The following ANXA3 variants were observed in gnomAD, a reference collection of about 807,000 sequenced individuals.
ANXA3 encodes 35-alpha calcimedin.
ANXA3 carries 46 observed loss-of-function variants against 48.8 expected under a neutral mutation model. The ratio of observed to expected loss-of-function variants is 0.94; its 90% CI spans 0.74 to 1.21. ANXA3 has a LOEUF of 1.21. Ranked by LOEUF, ANXA3 falls within the 50% of genes most tolerant of loss-of-function variation. ANXA3 has a pLI of 0.00. For missense variants in ANXA3, 383 were observed against 378.6 expected (o/e 1.01, Z -0.10); for synonymous variants, 128 against 134.7 (o/e 0.95, Z 0.35).
intron 1 of ANXA3, among the ~76,000 whole-genome samples, chr4:78,553,684 A>G (rs1004069954): frequency 2.6e-5 from 4 of 152,222 alleles, no homozygotes; most frequent in African/African-American, 9.6e-5. Flanking sequence ...GAAAAAACCA[A>G]GGTGAAATAT....
intron 2 of ANXA3, among the ~76,000 whole-genome samples, chr4:78,560,403 G>A (rs150292400): frequency 1.3e-5 from 2 of 152,150 alleles, no homozygotes; most frequent in African/African-American, 4.8e-5. Flanking sequence ...CACTGAAAGT[G>A]CTATCCTTAT....
chr4:78,607,187 C>T (rs1268577986), intron 12 of ANXA3, among the ~76,000 whole-genome samples: 4 of 152,210 alleles, frequency 2.6e-5, no homozygotes, highest in African/African-American at 9.6e-5. Context: ...AAAAATCCAT[C>T]ACTGAAAACT....
intron 12 of ANXA3, 76 bp downstream of exon 12, chr4:78,604,475 A>C: frequency 1.6e-6 from 2 of 1,224,228 alleles, no homozygotes; most frequent in Non-Finnish European, 2.3e-6. Context: ...ATGCCTTAAA[A>C]TATAAAGATA....
intron 1 of ANXA3, among the ~76,000 whole-genome samples, chr4:78,552,553 T>C (rs1229788423): frequency 1.3e-5 from 2 of 150,682 alleles, no homozygotes; most frequent in Non-Finnish European, 3.0e-5. Flanking sequence ...GGTGGAAGAT[T>C]TGGATACTTG....
At chr4:78,577,757 AC>A (rs1231629394) in intron 3 of ANXA3, among the ~76,000 whole-genome samples, 2 of 151,962 alleles carry the variant, frequency 1.3e-5, no homozygotes, top group African/African-American at 4.8e-5. Flanking sequence ...GCTCTTTTAT[AC>A]CTCTCTAGTC....
chr4:78,592,608 G>A (rs895529078), intron 7 of ANXA3, among the ~76,000 whole-genome samples: 8 of 152,290 alleles, frequency 5.3e-5, no homozygotes, highest in African/African-American at 9.6e-5. Flanking sequence ...CTAGGACAGG[G>A]TTCTAGAATC....
Position 78,582,184 on chromosome 4 carries a change from A to C in ANXA3, c.206A>C (p.Lys69Thr). 1 of 1,604,728 alleles carries C rather than the reference A, an allele frequency of 6.2e-7. No homozygotes were observed. Among genetic ancestry groups the C allele is most frequent in the Non-Finnish European group, 8.5e-7 (1 of 1,173,542 alleles). ...TTGGTTTTTTGATTTTAGGAGCTGAAAGATGACTTGAAGGGTGATCTCTCT... is the reference window on the plus strand; with the variant it reads ...TTGGTTTTTTGATTTTAGGAGCTGACAGATGACTTGAAGGGTGATCTCTCT... ...EYQAAYGKEL[K>T]DDLKGDLSGH... Residue 69 changes from lysine to threonine, a missense_variant, in exon 5 of 13, where the codon AAA (lysine) becomes ACA (threonine). Lys to Thr is a moderately conservative substitution (Grantham distance 78, BLOSUM62 -1). Transcript: ENST00000264908.
intron 5 of ANXA3, among the ~76,000 whole-genome samples, chr4:78,583,563 A>G (rs11946502): frequency 0.046 from 6,968 of 151,746 alleles, 494 homozygotes; most frequent in African/African-American, 0.15. Context: ...GGTCTAGGCT[A>G]CAATGAGCCA....
chr4:78,607,554 T>C (rs1236561416), intron 12 of ANXA3, among the ~76,000 whole-genome samples: 1 of 152,206 alleles, frequency 6.6e-6, no homozygotes, highest in Non-Finnish European at 1.5e-5. Context: ...TTTGGTAGTT[T>C]TCCTTCATAG....
chr4:78,572,805 T>C (rs1336294160), intron 2 of ANXA3, among the ~76,000 whole-genome samples: 1 of 152,234 alleles, frequency 6.6e-6, no homozygotes, highest in Non-Finnish European at 1.5e-5. Flanking sequence ...TGCATCTTAG[T>C]AAAATTCAGG....
intron 11 of ANXA3, chr4:78,603,581 C>T (rs1723588907): frequency 6.6e-6 from 1 of 152,214 alleles, no homozygotes; most frequent in Non-Finnish European, 1.5e-5. Context: ...TCTACTCCTA[C>T]CTTGCAATCT....
intron 2 of ANXA3, among the ~76,000 whole-genome samples, chr4:78,570,543 C>G (rs1358577560): frequency 6.6e-6 from 1 of 152,198 alleles, no homozygotes; most frequent in African/African-American, 2.4e-5. Flanking sequence ...GTGTCCTGGT[C>G]ATATACATTT....
rs5943 is a variant in ANXA3 at position 78,601,491 on chromosome 4, T to A, written c.731-19T>A. 6.2e-7 allele frequency: 1 copy of A among 1,612,342 alleles called. No individual in the cohort carries two copies. Among genetic ancestry groups the A allele is most frequent in the South Asian group, 1.1e-5 (1 of 91,012 alleles). ...ATTTCTATTCCGTGAAGCTGAACATTATTTGCTTTTTGTTACAGTTAATTG... is the reference window on the plus strand; with the variant it reads ...ATTTCTATTCCGTGAAGCTGAACATAATTTGCTTTTTGTTACAGTTAATTG... On this transcript the variant is annotated intron_variant, in intron 10 of 12. Transcript: ENST00000264908.
Position 78,573,264 on chromosome 4 carries a change from A to G in ANXA3, c.100A>G (p.Ile34Val). 1 of 1,606,446 alleles carries G rather than the reference A, an allele frequency of 6.2e-7. No individual in the cohort carries two copies. Among genetic ancestry groups the G allele is most frequent in the Non-Finnish European group, 8.5e-7 (1 of 1,173,476 alleles). The stretch of plus-strand genomic sequence containing the variant: ...AGCTATTCAGAAAGCAATCAGAGGA[A>G]TTGGTGAGTGATATTTTACAATTCC... ...AEAIQKAIRGIGTDEKMLISI... is the reference protein window; with the variant it reads ...AEAIQKAIRGVGTDEKMLISI... Residue 34 changes from isoleucine to valine, a missense_variant, in exon 3 of 13, where the codon ATT becomes GTT. Ile to Val is a conservative substitution (Grantham distance 29, BLOSUM62 3). Coordinates refer to ENST00000264908, the MANE Select transcript of ANXA3 (RefSeq NM_005139.3).
At chr4:78,570,178 TGC>T in intron 2 of ANXA3, among the ~76,000 whole-genome samples, 1 of 152,242 alleles carries the variant, frequency 6.6e-6, no homozygotes, top group Non-Finnish European at 1.5e-5. Flanking sequence ...GGTGTGTGTG[TGC>T]GTACTTTCTT....
chr4:78,597,425 G>T lies in ANXA3; in HGVS notation c.730+11G>T. 6.5e-7 allele frequency: 1 copy of T among 1,542,812 alleles called. No homozygotes were observed. On this transcript the variant is annotated intron_variant, in intron 10 of 12. Coordinates refer to ENST00000264908, the MANE Select transcript of ANXA3 (RefSeq NM_005139.3). ...TACTGTTGGCCATAGGTAAGACTTCGAGTGCTGGTAAACTAAGTTACTTTG... is the reference window on the plus strand; with the variant it reads ...TACTGTTGGCCATAGGTAAGACTTCTAGTGCTGGTAAACTAAGTTACTTTG...
chr4:78,558,153 T>C (rs981468068), intron 2 of ANXA3, among the ~76,000 whole-genome samples: 2 of 152,228 alleles, frequency 1.3e-5, no homozygotes, highest in African/African-American at 4.8e-5. Flanking sequence ...GACAAAATAC[T>C]GTATGATTTC....
chr4:78,583,313 G>A (rs1299431927), intron 5 of ANXA3, among the ~76,000 whole-genome samples: 1 of 152,116 alleles, frequency 6.6e-6, no homozygotes, highest in African/African-American at 2.4e-5. Context: ...CTGCACTTCA[G>A]TCTGGGTGAC....
At chr4:78,593,249 CT>C (rs1723341580) in intron 7 of ANXA3, among the ~76,000 whole-genome samples, 1 of 150,294 alleles carries the variant, frequency 6.7e-6, no homozygotes, top group African/African-American at 2.5e-5. Context: ...GTCATCCAGA[CT>C]GGAGTGCTGT....
Sources: allele counts gnomAD v4.1 joint callset (sites outside exome capture counted in the v4.1 genomes callset), GRCh38; gene constraint gnomAD v4.1.1; transcripts MANE v1.5; gene names NCBI Gene and HGNC (gene_info 2026-07-23, HGNC 2026-07-21).